Variants in PTPRG observed in about 807,000 individuals in gnomAD.
PTPRG encodes receptor-type tyrosine-protein phosphatase gamma.
A neutral mutation model predicts 165.3 loss-of-function variants in PTPRG; 102 were observed. The ratio of observed to expected loss-of-function variants is 0.62; its 90% CI spans 0.53 to 0.73. PTPRG has a LOEUF of 0.73. Among genes scored for constraint, PTPRG ranks in the 30% least tolerant of loss-of-function variants. PTPRG has a pLI of 0.00. For missense variants in PTPRG, 1,866 were observed against 1,861.4 expected (o/e 1.00, Z -0.05); for synonymous variants, 675 against 669.5 (o/e 1.01, Z -0.13).
At chr3:62,148,283 A>G (rs909010906) in intron 6 of PTPRG, among the ~76,000 whole-genome samples, 1 of 152,216 alleles carries the variant, frequency 6.6e-6, no homozygotes, top group Non-Finnish European at 1.5e-5. Context: ...CAGAGGGAAC[A>G]GCAAGGTGAG....
intron 2 of PTPRG, among the ~76,000 whole-genome samples, chr3:61,813,039 ATTG>A (rs1233275282): frequency 6.9e-6 from 1 of 145,456 alleles, no homozygotes; most frequent in Non-Finnish European, 1.5e-5. Flanking sequence ...TTTCCCACCA[ATTG>A]TTGTTTGGGA....
chr3:61,562,666 AGG>A (rs1270116866), intron 1 of PTPRG, among the ~76,000 whole-genome samples: 1 of 149,512 alleles, frequency 6.7e-6, no homozygotes, highest in African/African-American at 2.5e-5. Flanking sequence ...ATCGGGAGAA[AGG>A]GGGACTTGCT....
chr3:62,110,927 T>C (rs1702647760), intron 5 of PTPRG, among the ~76,000 whole-genome samples: 1 of 152,226 alleles, frequency 6.6e-6, no homozygotes, highest in African/African-American at 2.4e-5. Context: ...GGCATCTCTT[T>C]GGCTGTATAA....
chr3:61,920,045 G>A (rs2039039866), intron 2 of PTPRG, among the ~76,000 whole-genome samples: 1 of 152,190 alleles, frequency 6.6e-6, no homozygotes, highest in African/African-American at 2.4e-5. Flanking sequence ...CTACAGAAGT[G>A]CTTGTGACAT....
At chr3:62,262,628 C>T in intron 16 of PTPRG, 170 bp from the exon 17 acceptor site, 3 of 460,308 alleles carry the variant, frequency 6.5e-6, no homozygotes, top group Non-Finnish European at 1.2e-5. Context: ...ACCTTTTTCA[C>T]ATTCTTCATA....
chr3:62,035,204 A>G (rs1241351036), intron 4 of PTPRG, among the ~76,000 whole-genome samples: 3 of 152,256 alleles, frequency 2.0e-5, no homozygotes, highest in Non-Finnish European at 4.4e-5. Context: ...CTCTTCCCCA[A>G]GTAAAAGCCA....
chr3:61,996,336 G>C (rs2041039625), intron 3 of PTPRG, among the ~76,000 whole-genome samples: 1 of 152,118 alleles, frequency 6.6e-6, no homozygotes. Flanking sequence ...AACGCTTCCA[G>C]TAGCCTCCTC....
chr3:62,069,417 CAG>C lies in PTPRG; in HGVS notation c.520-8745_520-8744del, dbSNP rs1317592634. On this transcript the variant is annotated intron_variant, in intron 4 of 29. Transcript: ENST00000474889. Reference sequence around the variant, plus strand: ...TGTAAGAGTGTGAACTGGGCTGTAACAGGGGCTACATTCTCCAAGGTAGAAGC... The same window carrying C: ...TGTAAGAGTGTGAACTGGGCTGTAACGGGCTACATTCTCCAAGGTAGAAGC... Among the ~76,000 whole-genome samples, 6 of 152,080 alleles carry C rather than the reference CAG, an allele frequency of 3.9e-5. No individual in the cohort carries two copies. The South Asian group carries it at 6.2e-4, about 16-fold the overall frequency.
chr3:62,026,487 A>G (rs2107772050), intron 4 of PTPRG, among the ~76,000 whole-genome samples: 1 of 152,238 alleles, frequency 6.6e-6, no homozygotes, highest in Non-Finnish European at 1.5e-5. Flanking sequence ...TGAGATTTGA[A>G]CCCAGACACG....
chr3:61,770,723 T>A (rs1461856466), intron 2 of PTPRG: 1 of 152,212 alleles, frequency 6.6e-6, no homozygotes, highest in Non-Finnish European at 1.5e-5. Context: ...GAATTTTATC[T>A]AGGATTTTAA....
At chr3:61,798,619 GTT>G (rs375412571) in intron 2 of PTPRG, among the ~76,000 whole-genome samples, 16 of 128,118 alleles carry the variant, frequency 1.2e-4, no homozygotes, top group Admixed American at 5.5e-4. Context: ...GTTGCTGCTG[GTT>G]TTTTTTTTTT....
Position 61,812,228 on chromosome 3 carries a change from C to T in PTPRG, c.190+63246C>T, listed in dbSNP as rs552952016. On this transcript the variant is annotated intron_variant, in intron 2 of 29. Coordinates refer to ENST00000474889, the MANE Select transcript of PTPRG (RefSeq NM_002841.4). ...TTGTGTGTGTGTGTGTGTGTGAAAA[C>T]GATGATTTTTAGATTTACTGTCTTG... 1.1e-4 allele frequency among the ~76,000 whole-genome samples: 17 copies of T among 151,252 alleles called. No homozygotes were observed. In the South Asian group the frequency reaches 2.9e-3, roughly 26 times the overall value.
At chr3:62,051,505 G>A (rs112535118) in intron 4 of PTPRG, among the ~76,000 whole-genome samples, 9 of 152,236 alleles carry the variant, frequency 5.9e-5, no homozygotes, top group African/African-American at 1.7e-4. Context: ...GTTTCTCAAA[G>A]CTTAGGAGGC....
At chr3:61,793,883 A>G (rs932128527) in intron 2 of PTPRG, among the ~76,000 whole-genome samples, 5 of 152,230 alleles carry the variant, frequency 3.3e-5, no homozygotes. Context: ...TCTCCCTGCC[A>G]TACAGAAATA....
At chr3:62,142,997 A>G (rs1407038681) in intron 6 of PTPRG, among the ~76,000 whole-genome samples, 2 of 152,150 alleles carry the variant, frequency 1.3e-5, no homozygotes, top group African/African-American at 4.8e-5. Flanking sequence ...ACATCATGAG[A>G]AGTGACCCAG....
intron 11 of PTPRG, among the ~76,000 whole-genome samples, chr3:62,202,111 G>A (rs188165763): frequency 3.9e-5 from 6 of 152,186 alleles, no homozygotes; most frequent in African/African-American, 7.2e-5. Context: ...TGTTGTTCCC[G>A]TTTTACAGAT....
chr3:62,190,885 A>T lies in PTPRG; in HGVS notation c.1034-584A>T, dbSNP rs867805295. ...GACAGCGGGGAAAATTTGAATATGG[A>T]CTATATATGAGATAATAGTATTGAA... On this transcript the variant is annotated intron_variant, in intron 8 of 29. Transcript: ENST00000474889. This position sits in a 1 kb window ranked among gnomAD's most constrained non-coding sequence, Gnocchi z 5.2. Among the ~76,000 whole-genome samples the T allele has an allele frequency of 2.0e-5, 3 of 152,140 alleles. No homozygotes were observed. Among genetic ancestry groups the T allele is most frequent in the African/African-American group, 7.2e-5 (3 of 41,424 alleles).
intron 1 of PTPRG, among the ~76,000 whole-genome samples, chr3:61,655,897 C>G (rs1247286054): frequency 6.6e-6 from 1 of 152,150 alleles, no homozygotes; most frequent in Non-Finnish European, 1.5e-5. Context: ...GCCTGTTTAA[C>G]TCTTAAGTGT....
At chr3:61,888,569 G>A (rs1038593972) in intron 2 of PTPRG, among the ~76,000 whole-genome samples, 8 of 152,088 alleles carry the variant, frequency 5.3e-5, no homozygotes, top group African/African-American at 1.9e-4. Flanking sequence ...CTGACCTTGC[G>A]ATCCGCCCGC....
Sources: allele counts gnomAD v4.1 joint callset (sites outside exome capture counted in the v4.1 genomes callset), GRCh38; gene constraint gnomAD v4.1.1; non-coding constraint Gnocchi (gnomAD v3.1); transcripts MANE v1.5; gene names NCBI Gene and HGNC (gene_info 2026-07-23, HGNC 2026-07-21).